Variants in KATNAL2 observed in about 807,000 individuals in gnomAD.
The protein encoded by KATNAL2 is katanin p60 ATPase-containing subunit A-like 2.
Under a neutral mutation model 76.3 loss-of-function variants are expected in KATNAL2, and 52 were observed. The ratio of observed to expected loss-of-function variants is 0.68; its 90% CI spans 0.55 to 0.86. The LOEUF is 0.86. Among genes scored for constraint, KATNAL2 ranks in the 40% least tolerant of loss-of-function variants. KATNAL2 has a pLI of 0.00. For synonymous variants in KATNAL2, 243 were observed against 244.2 expected (o/e 1.00, Z 0.05); for missense variants, 660 against 668.9 (o/e 0.99, Z 0.15).
At chr18:47,050,957 A>C (rs1365452572) in intron 4 of KATNAL2, among the ~76,000 whole-genome samples, 1 of 152,214 alleles carries the variant, frequency 6.6e-6, no homozygotes, top group East Asian at 1.9e-4. Flanking sequence ...TGAATGTGTG[A>C]GTGAGAATTG....
intron 1 of KATNAL2, among the ~76,000 whole-genome samples, chr18:46,938,152 A>G (rs1397057785): frequency 1.3e-5 from 2 of 152,214 alleles, no homozygotes; most frequent in Non-Finnish European, 2.9e-5. Flanking sequence ...CTAGAGCTAC[A>G]TATAAAAACA....
chr18:47,095,889 T>C (rs965430406), intron 15 of KATNAL2, among the ~76,000 whole-genome samples: 2 of 152,200 alleles, frequency 1.3e-5, no homozygotes, highest in African/African-American at 4.8e-5. Context: ...AGTTCTGCTG[T>C]GAAGCGTGTT....
At chr18:47,033,054 C>T (rs1041227538) in intron 3 of KATNAL2, 1 of 1,614,016 alleles carries the variant, frequency 6.2e-7, no homozygotes, top group Non-Finnish European at 8.5e-7. Flanking sequence ...TGGCCATCAG[C>T]GGGGCCACTT....
At chr18:47,035,545 T>C in intron 3 of KATNAL2, 1 of 649,362 alleles carries the variant, frequency 1.5e-6, no homozygotes, top group South Asian at 2.0e-5. Context: ...CAACAAAGAA[T>C]GAAGCTCTGG....
intron 3 of KATNAL2, among the ~76,000 whole-genome samples, chr18:46,967,478 GGTGT>G (rs71906626): frequency 1.9e-3 from 208 of 107,948 alleles, no homozygotes; most frequent in African/African-American, 6.9e-3. Flanking sequence ...TTTACTTAAT[GGTGT>G]GTGTGTGTGT....
intron 10 of KATNAL2, among the ~76,000 whole-genome samples, chr18:47,064,116 C>T (rs574359390): frequency 6.6e-6 from 1 of 152,074 alleles, no homozygotes; most frequent in Non-Finnish European, 1.5e-5. Context: ...GCAGTTGTTT[C>T]CTGTATGCCT....
intron 3 of KATNAL2, among the ~76,000 whole-genome samples, chr18:46,957,033 G>A (rs1426488350): frequency 6.2e-5 from 7 of 112,890 alleles, no homozygotes; most frequent in African/African-American, 2.0e-4. Context: ...GCGAAACTCC[G>A]TCTCAAAAAA....
At chr18:47,048,524 C>T (rs1033595960) in intron 4 of KATNAL2, among the ~76,000 whole-genome samples, 1 of 152,210 alleles carries the variant, frequency 6.6e-6, no homozygotes, top group South Asian at 2.1e-4. Flanking sequence ...AGCTTAGGCT[C>T]AAACTCTGTA....
intron 3 of KATNAL2, chr18:47,034,302 G>T (rs773529308): frequency 2.5e-6 from 4 of 1,613,258 alleles, no homozygotes; most frequent in Non-Finnish European, 3.4e-6. Flanking sequence ...GGTCCCGGCC[G>T]TCTAGACTGG....
intron 12 of KATNAL2, 78 bp from the exon 13 acceptor site, chr18:47,069,404 T>C (rs2147195609): frequency 7.3e-7 from 1 of 1,370,578 alleles, no homozygotes; most frequent in Middle Eastern, 1.8e-4. Context: ...TCCTTCCTTG[T>C]GTGTGAGACT....
chr18:46,951,365 A>C (rs1193547646), intron 3 of KATNAL2, among the ~76,000 whole-genome samples: 3 of 151,548 alleles, frequency 2.0e-5, no homozygotes, highest in African/African-American at 7.3e-5. Flanking sequence ...CAGAACTGTA[A>C]AATTCTCAAT....
intron 3 of KATNAL2, among the ~76,000 whole-genome samples, chr18:46,958,282 C>T (rs2059824800): frequency 6.6e-6 from 1 of 152,066 alleles, no homozygotes; most frequent in African/African-American, 2.4e-5. Context: ...TCTGGTTCTC[C>T]AGCTTGTTGA....
chr18:47,060,848 A>C (rs2061610044), intron 8 of KATNAL2, among the ~76,000 whole-genome samples: 1 of 152,186 alleles, frequency 6.6e-6, no homozygotes, highest in Admixed American at 6.5e-5. Context: ...CCTTGGAAAA[A>C]TGTCTCCTTG....
At chr18:46,950,751 C>G (rs908220839) in intron 3 of KATNAL2, among the ~76,000 whole-genome samples, 1 of 151,112 alleles carries the variant, frequency 6.6e-6, no homozygotes, top group Admixed American at 6.6e-5. Flanking sequence ...ATGGTGTGAT[C>G]TCGGCTCACC....
At chr18:46,951,431 G>C (rs985233861) in intron 3 of KATNAL2, among the ~76,000 whole-genome samples, 1 of 149,136 alleles carries the variant, frequency 6.7e-6, no homozygotes, top group African/African-American at 2.5e-5. Flanking sequence ...TTTTTTTACT[G>C]GGTGGTATCT....
chr18:47,086,097 TA>T (rs890836494), intron 15 of KATNAL2, among the ~76,000 whole-genome samples: 34 of 150,986 alleles, frequency 2.3e-4, no homozygotes, highest in African/African-American at 6.6e-4. Flanking sequence ...CCCTGTCTCT[TA>T]AAAAAAAATG....
chr18:46,947,921 C>T (rs1218105307), intron 3 of KATNAL2, among the ~76,000 whole-genome samples: 2 of 152,192 alleles, frequency 1.3e-5, no homozygotes, highest in South Asian at 2.1e-4. Context: ...TTAATCTCAG[C>T]ATGAACTACC....
chr18:46,947,889 C>T (rs566623149), intron 3 of KATNAL2, among the ~76,000 whole-genome samples: 25 of 152,280 alleles, frequency 1.6e-4, no homozygotes, highest in Non-Finnish European at 3.4e-4. Flanking sequence ...TTCCTCACCT[C>T]CGGATTGTAC....
chr18:47,094,993 C>T (rs1396832216), intron 15 of KATNAL2, among the ~76,000 whole-genome samples: 1 of 152,170 alleles, frequency 6.6e-6, no homozygotes, highest in African/African-American at 2.4e-5. Context: ...GAAGAAGATA[C>T]TGCCAAGTCT....
Sources: allele counts gnomAD v4.1 joint callset (sites outside exome capture counted in the v4.1 genomes callset), GRCh38; gene constraint gnomAD v4.1.1; transcripts MANE v1.5; gene names NCBI Gene and HGNC (gene_info 2026-07-23, HGNC 2026-07-21).